GRIN2B: variants seen among roughly 807,000 people sequenced by gnomAD.
GRIN2B encodes glutamate ionotropic receptor NMDA type subunit 2B, also known as glutamate receptor ionotropic, NMDA 2B.
In GRIN2B, 5 loss-of-function variants were observed where a neutral mutation model predicts 114.5. The observed-to-expected ratio is 0.04, with a 90% confidence interval of 0.02 to 0.09. GRIN2B has a LOEUF of 0.09. Ranked by LOEUF, GRIN2B falls within the 10% of genes least tolerant of loss-of-function variation. The pLI, the probability that GRIN2B is intolerant of heterozygous loss-of-function variation, is 1.00. For missense variants in GRIN2B, 1,108 were observed against 1,943.5 expected (o/e 0.57, Z 8.08); for synonymous variants, 787 against 745.1 (o/e 1.06, Z -0.92).
chr12:13,707,199 G>A (rs1327423477), intron 4 of GRIN2B, among the ~76,000 whole-genome samples: 1 of 152,078 alleles, frequency 6.6e-6, no homozygotes, highest in Non-Finnish European at 1.5e-5. Flanking sequence ...TGAAGGCCTT[G>A]TAGTCTCTCT....
chr12:13,979,527 TG>T (rs1191653503), intron 2 of GRIN2B, among the ~76,000 whole-genome samples: 2 of 107,548 alleles, frequency 1.9e-5, no homozygotes, highest in African/African-American at 8.0e-5. Flanking sequence ...AAAGCCAACC[TG>T]AAAAAAAAAA....
rs1280519520 is a variant in GRIN2B at position 13,560,168 on chromosome 12, T to C, written c.*2615A>G. The stretch of plus-strand genomic sequence containing the variant: ...AAGAAGACTGGTTTTCTGGGGGGGA[T>C]GGACACAATTACTTTCCCCTGGCTT... On this transcript the variant is annotated 3_prime_UTR_variant, in exon 14 of 14. Coordinates refer to ENST00000609686, the MANE Select transcript of GRIN2B (RefSeq NM_000834.5). 1 of 152,154 alleles carries C rather than the reference T, an allele frequency of 6.6e-6. No homozygotes were observed. Among genetic ancestry groups the C allele is most frequent in the Non-Finnish European group, 1.5e-5 (1 of 68,028 alleles). 9.4% of individuals were successfully genotyped at this position (152,154 alleles called of 1,614,324 possible).
At chr12:13,948,655 C>T (rs897551137) in intron 2 of GRIN2B, among the ~76,000 whole-genome samples, 13 of 152,146 alleles carry the variant, frequency 8.5e-5, no homozygotes, top group African/African-American at 1.9e-4. Context: ...CAAGGAGCAA[C>T]GGTACCTCTA....
At chr12:13,738,360 G>A (rs1863221186) in intron 4 of GRIN2B, among the ~76,000 whole-genome samples, 1 of 152,162 alleles carries the variant, frequency 6.6e-6, no homozygotes. Flanking sequence ...AAACTTCAAA[G>A]TTCTGTTTCT....
rs193013220 is a variant in GRIN2B at position 13,648,742 on chromosome 12, T to C, written c.1125+27003A>G. Among the ~76,000 whole-genome samples, 92 of 152,050 alleles carry C rather than the reference T, an allele frequency of 6.1e-4. 1 individual carries two copies. The highest frequency in any genetic ancestry group is 6.8e-3 in the Middle Eastern group (2 of 294). The stretch of plus-strand genomic sequence containing the variant: ...GAAGTGTGGAGTGAGGACTTTAGAA[T>C]AAGTATAACAAATCTCTGCCCTGGA... On this transcript the variant is annotated intron_variant, in intron 5 of 13. Transcript: ENST00000609686.
chr12:13,789,382 C>A (rs947170090), intron 3 of GRIN2B, among the ~76,000 whole-genome samples: 1 of 152,178 alleles, frequency 6.6e-6, no homozygotes, highest in Admixed American at 6.5e-5. Flanking sequence ...ATGGCTGCAG[C>A]TTAAAGGACT....
chr12:13,726,655 A>T (rs1309869553), intron 4 of GRIN2B, among the ~76,000 whole-genome samples: 2 of 150,796 alleles, frequency 1.3e-5, no homozygotes, highest in Non-Finnish European at 2.9e-5. Context: ...AATTTCATGT[A>T]TTTTTTTAAA....
At chr12:13,648,731 G>C (rs1226548801) in intron 5 of GRIN2B, among the ~76,000 whole-genome samples, 2 of 151,788 alleles carry the variant, frequency 1.3e-5, no homozygotes, top group Non-Finnish European at 2.9e-5. Context: ...TGTGGAGTGA[G>C]GACTTTAGAA....
At chr12:13,865,765 C>T (rs766696322) in intron 3 of GRIN2B, 33 bp downstream of exon 3, 8 of 1,554,458 alleles carry the variant, frequency 5.1e-6, no homozygotes, top group Non-Finnish European at 7.1e-6. Flanking sequence ...CAGCACAAAC[C>T]CTCAGGCCCT....
intron 2 of GRIN2B, among the ~76,000 whole-genome samples, chr12:13,937,168 CATATAT>C (rs551073440): frequency 1.4e-5 from 2 of 146,398 alleles, no homozygotes; most frequent in African/African-American, 5.0e-5. Context: ...AATAATCTAA[CATATAT>C]ATATATATAA....
intron 5 of GRIN2B, among the ~76,000 whole-genome samples, chr12:13,656,630 C>T (rs1328112941): frequency 3.9e-5 from 6 of 152,198 alleles, no homozygotes; most frequent in Non-Finnish European, 8.8e-5. Context: ...TTCAACCTCC[C>T]TTCCAAGCAT....
At chr12:13,783,263 A>G (rs1348948493) in intron 3 of GRIN2B, among the ~76,000 whole-genome samples, 1 of 152,120 alleles carries the variant, frequency 6.6e-6, no homozygotes, top group Non-Finnish European at 1.5e-5. Flanking sequence ...ACACACACAC[A>G]CACAAAAATA....
At chr12:13,808,824 C>T (rs945598153) in intron 3 of GRIN2B, among the ~76,000 whole-genome samples, 3 of 150,888 alleles carry the variant, frequency 2.0e-5, no homozygotes, top group African/African-American at 4.9e-5. Flanking sequence ...TAGAGTTCAG[C>T]GCTCAGGCTA....
At chr12:13,781,841 T>C (rs1864121337) in intron 3 of GRIN2B, among the ~76,000 whole-genome samples, 1 of 152,228 alleles carries the variant, frequency 6.6e-6, no homozygotes, top group Admixed American at 6.5e-5. Flanking sequence ...CGGGGTCAGC[T>C]GTCAGGGATT....
chr12:13,887,643 TCA>T (rs1866187577), intron 2 of GRIN2B, among the ~76,000 whole-genome samples: 1 of 152,220 alleles, frequency 6.6e-6, no homozygotes, highest in Admixed American at 6.5e-5. Context: ...GGGATTTATT[TCA>T]GTCTTACTTA....
intron 4 of GRIN2B, among the ~76,000 whole-genome samples, chr12:13,701,470 A>G (rs1393264122): frequency 1.3e-5 from 2 of 150,014 alleles, no homozygotes; most frequent in Non-Finnish European, 3.0e-5. Flanking sequence ...ACTAATACTT[A>G]CCAAGCAACT....
rs144710994 is a variant in GRIN2B at position 13,649,067 on chromosome 12, C to T, written c.1125+26678G>A. Among the ~76,000 whole-genome samples the T allele has an allele frequency of 1.8e-3, 277 of 152,188 alleles. 2 individuals are homozygous for T. Among genetic ancestry groups the T allele is most frequent in the African/African-American group, 6.4e-3 (265 of 41,568 alleles). On this transcript the variant is annotated intron_variant, in intron 5 of 13. Transcript: ENST00000609686. ...CCTGCCACTAGTGTAATTGTGAAACCTTGAGCAATTCCCTGCTACCTCTGA... is the reference window on the plus strand; with the variant it reads ...CCTGCCACTAGTGTAATTGTGAAACTTTGAGCAATTCCCTGCTACCTCTGA...
At chr12:13,776,306 G>T (rs1864000655) in intron 3 of GRIN2B, among the ~76,000 whole-genome samples, 1 of 152,176 alleles carries the variant, frequency 6.6e-6, no homozygotes, top group South Asian at 2.1e-4. Flanking sequence ...TCAGGAAGAG[G>T]AGCTAATGGA....
At chr12:13,945,537 T>A (rs944674460) in intron 2 of GRIN2B, among the ~76,000 whole-genome samples, 2 of 152,184 alleles carry the variant, frequency 1.3e-5, no homozygotes, top group African/African-American at 2.4e-5. Context: ...GTGAATACAA[T>A]GGCAGCAGAT....
Sources: allele counts gnomAD v4.1 joint callset (sites outside exome capture counted in the v4.1 genomes callset), GRCh38; gene constraint gnomAD v4.1.1; transcripts MANE v1.5; gene names NCBI Gene and HGNC (gene_info 2026-07-23, HGNC 2026-07-21).